The following GRIN2A variants were observed in gnomAD, a reference collection of about 807,000 sequenced individuals.
GRIN2A encodes glutamate ionotropic receptor NMDA type subunit 2A.
GRIN2A carries 22 observed loss-of-function variants against 113.4 expected under a neutral mutation model. The ratio of observed to expected loss-of-function variants is 0.19; its 90% CI spans 0.14 to 0.28. The LOEUF is 0.28. GRIN2A is among the 10% of genes least tolerant of loss of function. The pLI, the probability that GRIN2A is intolerant of heterozygous loss-of-function variation, is 1.00. For synonymous variants in GRIN2A, 827 were observed against 738.4 expected (o/e 1.12, Z -1.94); for missense variants, 1,502 against 1,887.0 (o/e 0.80, Z 3.78).
chr16:9,935,192 A>G (rs543617231), intron 3 of GRIN2A, among the ~76,000 whole-genome samples: 1 of 152,276 alleles, frequency 6.6e-6, no homozygotes, highest in East Asian at 1.9e-4. Context: ...GTTTCCATCA[A>G]AATTATATGT....
chr16:10,147,227 C>T (rs926384113), intron 2 of GRIN2A, among the ~76,000 whole-genome samples: 10 of 152,002 alleles, frequency 6.6e-5, no homozygotes, highest in African/African-American at 1.7e-4. Flanking sequence ...GCAATTTTGC[C>T]CTCCCCCCAG....
At chr16:9,850,551 G>C (rs558226061) in intron 4 of GRIN2A, among the ~76,000 whole-genome samples, 234 of 152,140 alleles carry the variant, frequency 1.5e-3, no homozygotes, top group African/African-American at 5.5e-3. Context: ...CTAAGATGAA[G>C]GAAAAGAGAA....
chr16:9,940,059 A>AGTGT (rs1348841299), intron 2 of GRIN2A, among the ~76,000 whole-genome samples: 29,799 of 143,816 alleles, frequency 0.21, 2,596 homozygotes, highest in Non-Finnish European at 0.24. Context: ...AGAGAGAGAG[A>AGTGT]GAGTGTGTGT....
intron 2 of GRIN2A, among the ~76,000 whole-genome samples, chr16:10,012,720 C>T (rs2046530748): frequency 6.6e-6 from 1 of 152,138 alleles, no homozygotes; most frequent in Admixed American, 6.5e-5. Flanking sequence ...CTGGTGCTGC[C>T]TTGGAAGATG....
At chr16:9,862,648 C>CTATTTCTT (rs1356141546) in intron 4 of GRIN2A, among the ~76,000 whole-genome samples, 1 of 152,138 alleles carries the variant, frequency 6.6e-6, no homozygotes, top group Non-Finnish European at 1.5e-5. Context: ...GATAGGAGTC[C>CTATTTCTT]TATTTCTTTG....
At chr16:10,135,389 C>T (rs2049170672) in intron 2 of GRIN2A, among the ~76,000 whole-genome samples, 1 of 152,190 alleles carries the variant, frequency 6.6e-6, no homozygotes, top group Non-Finnish European at 1.5e-5. Flanking sequence ...TTTCTTACTT[C>T]TGAGTCCCCA....
intron 2 of GRIN2A, among the ~76,000 whole-genome samples, chr16:10,070,076 G>A (rs2047721172): frequency 6.6e-6 from 1 of 152,072 alleles, no homozygotes; most frequent in Admixed American, 6.5e-5. Flanking sequence ...TTCATACCTG[G>A]GACTTCAGTG....
At position 9,788,134 on chromosome 16, in the gene GRIN2A, AACTATC is replaced by A. The variant is rs1344938077; in HGVS notation, c.2356+10137_2356+10142del. Among the ~76,000 whole-genome samples, 5 of 152,328 alleles carry A rather than the reference AACTATC, an allele frequency of 3.3e-5. No individual in the cohort carries two copies. The East Asian group carries it at 5.8e-4, about 18-fold the overall frequency. On this transcript the variant is annotated intron_variant, in intron 11 of 12. Coordinates refer to ENST00000330684, the MANE Select transcript of GRIN2A (RefSeq NM_001134407.3). ...GGATGCACAGGCTAAACATTGCCTG[AACTATC>A]ACTTAGCAAACATTTCTTACCTCTC...
intron 2 of GRIN2A, chr16:10,112,267 T>G: frequency 1.6e-6 from 1 of 639,504 alleles, no homozygotes. Flanking sequence ...TACCTCCACC[T>G]CCAGGTGATT....
intron 4 of GRIN2A, among the ~76,000 whole-genome samples, chr16:9,863,431 A>G (rs1384009006): frequency 6.6e-6 from 1 of 152,084 alleles, no homozygotes; most frequent in Non-Finnish European, 1.5e-5. Context: ...TACTTCTTCC[A>G]TTTGCCTGTG....
chr16:10,154,880 G>C (rs2049656480), intron 2 of GRIN2A, among the ~76,000 whole-genome samples: 1 of 152,140 alleles, frequency 6.6e-6, no homozygotes, highest in Non-Finnish European at 1.5e-5. Context: ...CAGGGCAATG[G>C]TTTTTGTCAT....
intron 2 of GRIN2A, among the ~76,000 whole-genome samples, chr16:10,128,589 C>T (rs1470023564): frequency 2.6e-5 from 4 of 151,976 alleles, no homozygotes; most frequent in Admixed American, 6.5e-5. Flanking sequence ...AGGTGGGCAG[C>T]ACCCTCCAGG....
At chr16:9,977,747 A>G (rs2650431) in intron 2 of GRIN2A, among the ~76,000 whole-genome samples, 29,983 of 152,116 alleles carry the variant, frequency 0.2, 3,363 homozygotes, top group South Asian at 0.43. Context: ...TCACATGTGC[A>G]CACACACACA....
chr16:9,999,932 G>C (rs947576843), intron 2 of GRIN2A, among the ~76,000 whole-genome samples: 2 of 152,062 alleles, frequency 1.3e-5, no homozygotes, highest in Non-Finnish European at 2.9e-5. Flanking sequence ...AAAAATCAAA[G>C]TATGGACAAA....
intron 3 of GRIN2A, among the ~76,000 whole-genome samples, chr16:9,908,629 A>C (rs1275582761): frequency 6.6e-6 from 1 of 152,170 alleles, no homozygotes; most frequent in Non-Finnish European, 1.5e-5. Flanking sequence ...TAAAGGGAGA[A>C]GTGTGGGAAA....
chr16:10,166,331 C>G (rs1411056564), intron 2 of GRIN2A, among the ~76,000 whole-genome samples: 2 of 152,140 alleles, frequency 1.3e-5, no homozygotes, highest in African/African-American at 4.8e-5. Flanking sequence ...TGGAAGCTTT[C>G]AAGACCACTC....
intron 2 of GRIN2A, among the ~76,000 whole-genome samples, chr16:10,084,861 C>A (rs958662814): frequency 2.0e-5 from 3 of 152,034 alleles, no homozygotes; most frequent in Non-Finnish European, 4.4e-5. Flanking sequence ...TAGGTCAGTG[C>A]CTGATACATA....
chr16:9,930,478 C>T (rs1342848537), intron 3 of GRIN2A, among the ~76,000 whole-genome samples: 1 of 152,162 alleles, frequency 6.6e-6, no homozygotes, highest in Non-Finnish European at 1.5e-5. Context: ...CACCTCGTAT[C>T]TCTTGCTGAT....
chr16:10,022,383 T>C (rs1183663283), intron 2 of GRIN2A, among the ~76,000 whole-genome samples: 3 of 151,952 alleles, frequency 2.0e-5, no homozygotes, highest in Non-Finnish European at 4.4e-5. Context: ...CATCTTGCTG[T>C]TCCTCCATGT....
Sources: allele counts gnomAD v4.1 joint callset (sites outside exome capture counted in the v4.1 genomes callset), GRCh38; gene constraint gnomAD v4.1.1; transcripts MANE v1.5; gene names NCBI Gene and HGNC (gene_info 2026-07-23, HGNC 2026-07-21).